Variants in REEP3 observed in about 807,000 individuals in gnomAD.
REEP3 encodes receptor accessory protein 3, also known as receptor expression-enhancing protein 3.
REEP3 carries 20 observed loss-of-function variants against 41.3 expected under a neutral mutation model. The ratio of observed to expected loss-of-function variants is 0.48; its 90% confidence interval spans 0.34 to 0.70. The LOEUF is 0.70. Ranked by LOEUF, REEP3 falls within the 30% of genes least tolerant of loss-of-function variation. The probability of loss-of-function intolerance (pLI) is 0.01; values close to 1 mark genes in which losing one functional copy is unlikely to be tolerated. For missense variants in REEP3, 271 were observed against 308.8 expected (o/e 0.88, Z 0.92); for synonymous variants, 104 against 101.8 (o/e 1.02, Z -0.13).
intron 6 of REEP3, among the ~76,000 whole-genome samples, chr10:63,612,147 T>G (rs997611872): frequency 2.0e-5 from 3 of 152,074 alleles, no homozygotes; most frequent in African/African-American, 7.2e-5. Flanking sequence ...ATTTCCTTTT[T>G]TATTTTTATT....
chr10:63,559,414 C>G (rs1955720824), intron 1 of REEP3, among the ~76,000 whole-genome samples: 1 of 151,982 alleles, frequency 6.6e-6, no homozygotes, highest in African/African-American at 2.4e-5. Flanking sequence ...TGACTTTTTT[C>G]TTATTTTTTT....
chr10:63,596,622 G>A (rs1956117485), intron 3 of REEP3, among the ~76,000 whole-genome samples: 1 of 152,118 alleles, frequency 6.6e-6, no homozygotes, highest in Non-Finnish European at 1.5e-5. Context: ...ACAAGATACT[G>A]AGCCTCTCAT....
At chr10:63,579,048 G>GC (rs1043540554) in intron 2 of REEP3, among the ~76,000 whole-genome samples, 2 of 148,452 alleles carry the variant, frequency 1.3e-5, no homozygotes, top group African/African-American at 4.9e-5. Context: ...TTTTGGGGGG[G>GC]GGGAGATGGA....
At chr10:63,567,309 G>T (rs905856552) in intron 2 of REEP3, among the ~76,000 whole-genome samples, 1 of 151,832 alleles carries the variant, frequency 6.6e-6, no homozygotes, top group African/African-American at 2.4e-5. Context: ...ACTCTTTCTA[G>T]TTCCAAAATA....
At chr10:63,573,267 T>A (rs931227850) in intron 2 of REEP3, among the ~76,000 whole-genome samples, 1 of 152,224 alleles carries the variant, frequency 6.6e-6, no homozygotes, top group African/African-American at 2.4e-5. Context: ...TCCTGCATAG[T>A]GTGGCTGATA....
intron 1 of REEP3, among the ~76,000 whole-genome samples, chr10:63,525,844 T>A (rs893255602): frequency 1.3e-5 from 2 of 152,216 alleles, no homozygotes; most frequent in Non-Finnish European, 2.9e-5. Flanking sequence ...TTTCTTAATT[T>A]GTTTTTATGA....
chr10:63,620,743 A>G (rs1295340386), intron 7 of REEP3, 70 bp from the exon 8 acceptor site: 2 of 973,026 alleles, frequency 2.1e-6, no homozygotes, highest in East Asian at 2.7e-5. Context: ...ATGATTATGA[A>G]CTATTAAATC....
intron 2 of REEP3, among the ~76,000 whole-genome samples, chr10:63,570,449 TTTTA>T (rs1955842366): frequency 6.6e-6 from 1 of 152,224 alleles, no homozygotes; most frequent in Admixed American, 6.5e-5. Flanking sequence ...AAGCATTTCT[TTTTA>T]TTTAACTTTG....
chr10:63,597,612 A>C (rs1056403316), intron 3 of REEP3, among the ~76,000 whole-genome samples: 10 of 152,200 alleles, frequency 6.6e-5, no homozygotes, highest in Non-Finnish European at 2.9e-5. Context: ...TGACTTTTAC[A>C]TTCAAAAACT....
At chr10:63,527,260 C>T (rs1955373755) in intron 1 of REEP3, among the ~76,000 whole-genome samples, 1 of 152,008 alleles carries the variant, frequency 6.6e-6, no homozygotes, top group Admixed American at 6.6e-5. Context: ...TCTTTCTCGA[C>T]AGCATACCAA....
intron 1 of REEP3, among the ~76,000 whole-genome samples, chr10:63,535,044 A>G (rs1355128986): frequency 6.6e-6 from 1 of 152,166 alleles, no homozygotes; most frequent in Non-Finnish European, 1.5e-5. Context: ...CATTCTCAAT[A>G]AAAGTAGGAA....
intron 6 of REEP3, among the ~76,000 whole-genome samples, chr10:63,612,748 G>A (rs531382615): frequency 1.3e-4 from 19 of 151,062 alleles, no homozygotes; most frequent in Non-Finnish European, 2.5e-4. Flanking sequence ...CCGAGATTGC[G>A]CCACTGTAGT....
intron 1 of REEP3, among the ~76,000 whole-genome samples, chr10:63,541,115 C>A (rs1315452268): frequency 2.0e-5 from 3 of 152,102 alleles, no homozygotes. Context: ...AGCCATAAAA[C>A]ATGTTACTTT....
chr10:63,564,342 G>A (rs1955775869), intron 1 of REEP3, among the ~76,000 whole-genome samples: 2 of 152,188 alleles, frequency 1.3e-5, no homozygotes, highest in African/African-American at 4.8e-5. Context: ...CACACATTAG[G>A]CCAGATGCTG....
chr10:63,589,368 C>T (rs750333363), intron 2 of REEP3, among the ~76,000 whole-genome samples: 5 of 152,152 alleles, frequency 3.3e-5, no homozygotes, highest in Admixed American at 2.6e-4. Flanking sequence ...CTTCTCTGCC[C>T]GGCTGCTTAT....
At chr10:63,588,007 A>G (rs1956023557) in intron 2 of REEP3, among the ~76,000 whole-genome samples, 1 of 152,212 alleles carries the variant, frequency 6.6e-6, no homozygotes, top group African/African-American at 2.4e-5. Context: ...ACCATTGGTC[A>G]TAGTCTGTTC....
intron 1 of REEP3, among the ~76,000 whole-genome samples, chr10:63,548,803 C>T (rs894552169): frequency 1.3e-5 from 2 of 152,122 alleles, no homozygotes; most frequent in East Asian, 1.9e-4. Flanking sequence ...ATTCAGACCA[C>T]GAGTTTTTGT....
rs1226925506 is a variant in REEP3 at position 63,619,882 on chromosome 10, A to G, written c.711+82A>G. On this transcript the variant is annotated intron_variant, in intron 7 of 7. Transcript: ENST00000373758. ...TTATCATTTAGGATATTAATGATCCATAAATGAAGGATTGGAATGGTAGAA... is the reference window on the plus strand; with the variant it reads ...TTATCATTTAGGATATTAATGATCCGTAAATGAAGGATTGGAATGGTAGAA... 6 of 1,053,288 alleles carry G rather than the reference A, an allele frequency of 5.7e-6. No homozygotes were observed. The South Asian group carries it at 5.9e-5, about 10-fold the overall frequency. The allele number at this position is 1,053,288 out of a possible 1,614,324, so 65.2% of individuals were successfully genotyped here.
chr10:63,531,144 C>T (rs760567635), intron 1 of REEP3, among the ~76,000 whole-genome samples: 7 of 152,144 alleles, frequency 4.6e-5, no homozygotes, highest in Non-Finnish European at 1.0e-4. Flanking sequence ...ACAGGGAAAA[C>T]AGTAGCAATC....
Sources: gnomAD v4.1 joint callset for allele counts (sites outside exome capture counted in the v4.1 genomes callset) on GRCh38, gnomAD v4.1.1 for gene constraint, MANE v1.5 for transcripts, NCBI Gene and HGNC (gene_info 2026-07-23, HGNC 2026-07-21) for gene names.